Variants in CTNND2 observed in about 807,000 individuals in gnomAD.
The protein encoded by CTNND2 is catenin delta 2.
Under a neutral mutation model 144.4 loss-of-function variants are expected in CTNND2, and 22 were observed. That is an observed-to-expected ratio of 0.15 (90% CI 0.11 to 0.22). CTNND2 has a LOEUF of 0.22. Among genes scored for constraint, CTNND2 ranks in the 10% least tolerant of loss-of-function variants. The pLI, the probability that CTNND2 is intolerant of heterozygous loss-of-function variation, is 1.00. For missense variants in CTNND2, 1,353 were observed against 1,618.8 expected, an observed-to-expected ratio of 0.84 and a Z score of 2.82; for synonymous variants, 751 against 695.6, an observed-to-expected ratio of 1.08 and a Z score of -1.25.
At chr5:11,007,566 C>T (rs1172867901) in intron 18 of CTNND2, among the ~76,000 whole-genome samples, 8 of 152,248 alleles carry the variant, frequency 5.3e-5, no homozygotes. Flanking sequence ...TGCTAATGTT[C>T]TTATATTGTT....
chr5:11,687,500 G>A (rs775314282), intron 2 of CTNND2, among the ~76,000 whole-genome samples: 1 of 152,242 alleles, frequency 6.6e-6, no homozygotes, highest in Non-Finnish European at 1.5e-5. Context: ...CAAGGTGTGG[G>A]CAAGCTACTA....
At chr5:11,200,271 C>A (rs986464562) in intron 10 of CTNND2, among the ~76,000 whole-genome samples, 6 of 152,152 alleles carry the variant, frequency 3.9e-5, no homozygotes, top group Non-Finnish European at 8.8e-5. Context: ...AACAACAAAA[C>A]CACTCTACAT....
At chr5:11,172,468 C>G (rs917774165) in intron 11 of CTNND2, among the ~76,000 whole-genome samples, 8 of 152,100 alleles carry the variant, frequency 5.3e-5, no homozygotes, top group Admixed American at 1.3e-4. Flanking sequence ...TTCTTTGGGT[C>G]CAGAACTGTT....
intron 11 of CTNND2, among the ~76,000 whole-genome samples, chr5:11,170,032 C>T (rs1759744078): frequency 1.3e-5 from 2 of 152,256 alleles, no homozygotes; most frequent in East Asian, 1.9e-4. Flanking sequence ...TAATCACCTG[C>T]ATGTATTAAC....
chr5:11,504,945 A>T (rs1770878475), intron 3 of CTNND2, among the ~76,000 whole-genome samples: 1 of 151,540 alleles, frequency 6.6e-6, no homozygotes, highest in South Asian at 2.1e-4. Context: ...ATCCACAGAG[A>T]CCCCACATGG....
chr5:11,044,701 G>A (rs1363071868), intron 16 of CTNND2, among the ~76,000 whole-genome samples: 5 of 152,204 alleles, frequency 3.3e-5, no homozygotes, highest in Non-Finnish European at 7.3e-5. Flanking sequence ...AAGTTCAGGT[G>A]AGCATGTGCC....
rs183878392 is a variant in CTNND2, at chr5:11,614,910, C to T, written c.175-49854G>A. 5.3e-5 allele frequency among the ~76,000 whole-genome samples: 8 copies of T among 152,246 alleles called. No individual in the cohort carries two copies. The East Asian group carries it at 1.5e-3, about 29-fold the overall frequency. On this transcript the variant is annotated intron_variant, in intron 2 of 21. Transcript: ENST00000304623. ...GACAATAGTACCTACCTGATAAGGTCCTTGTGAGAACTAAATGAATATACA... is the reference window on the plus strand; with the variant it reads ...GACAATAGTACCTACCTGATAAGGTTCTTGTGAGAACTAAATGAATATACA...
chr5:11,237,160 C>T (rs1741741707), intron 9 of CTNND2, among the ~76,000 whole-genome samples: 1 of 151,998 alleles, frequency 6.6e-6, no homozygotes, highest in African/African-American at 2.4e-5. Context: ...GCTGGGACTA[C>T]AGGCACCCAC....
At chr5:11,760,368 C>A (rs1158215637) in intron 1 of CTNND2, among the ~76,000 whole-genome samples, 1 of 152,066 alleles carries the variant, frequency 6.6e-6, no homozygotes, top group Non-Finnish European at 1.5e-5. Context: ...GGGCCTATTA[C>A]CAGGAGCTAG....
At chr5:11,096,562 T>C (rs1411544047) in intron 15 of CTNND2, among the ~76,000 whole-genome samples, 1 of 152,174 alleles carries the variant, frequency 6.6e-6, no homozygotes, top group East Asian at 1.9e-4. Context: ...TTCTAGAAGC[T>C]TGAGTTTGTT....
chr5:11,132,449 C>T (rs948311166), intron 12 of CTNND2, among the ~76,000 whole-genome samples: 11 of 152,156 alleles, frequency 7.2e-5, no homozygotes, highest in Non-Finnish European at 1.2e-4. Flanking sequence ...TGAATGAAAT[C>T]AATGCCCTTA....
chr5:11,323,965 G>A (rs1456867221), intron 9 of CTNND2, among the ~76,000 whole-genome samples: 1 of 152,088 alleles, frequency 6.6e-6, no homozygotes, highest in East Asian at 1.9e-4. Flanking sequence ...GTGTCAGGGT[G>A]GGGCCCAGGC....
At chr5:11,641,658 A>G (rs536635708) in intron 2 of CTNND2, among the ~76,000 whole-genome samples, 197 of 142,124 alleles carry the variant, frequency 1.4e-3, no homozygotes, top group South Asian at 3.0e-3. Flanking sequence ...ATACGTGTGT[A>G]TATACATATA....
At chr5:11,178,088 T>C (rs987600744) in intron 11 of CTNND2, among the ~76,000 whole-genome samples, 2 of 152,176 alleles carry the variant, frequency 1.3e-5, no homozygotes, top group African/African-American at 2.4e-5. Context: ...TTTTATATTG[T>C]TTAGGATAGA....
intron 11 of CTNND2, among the ~76,000 whole-genome samples, chr5:11,184,481 T>G (rs1273795201): frequency 6.6e-6 from 1 of 152,194 alleles, no homozygotes. Context: ...CCAAATACTA[T>G]GTAGGGCAAG....
chr5:11,603,587 CTTA>C lies in CTNND2; in HGVS notation c.175-38534_175-38532del, dbSNP rs199696523. On this transcript the variant is annotated intron_variant, in intron 2 of 21. Transcript: ENST00000304623. ...AATTATAGAGTTTGCTACATTCAGC[CTTA>C]TTATCATATTATTTTAATGTAAAAT... Among the ~76,000 whole-genome samples, 613 of 152,160 alleles carry C rather than the reference CTTA, an allele frequency of 4.0e-3. 3 individuals carry two copies. The highest frequency in any genetic ancestry group is 0.014 in the African/African-American group (584 of 41,504).
chr5:11,294,346 A>G (rs1007138886), intron 9 of CTNND2, among the ~76,000 whole-genome samples: 6 of 152,206 alleles, frequency 3.9e-5, no homozygotes, highest in Admixed American at 1.3e-4. Context: ...TCTCTCCCAG[A>G]AAAACACTAA....
At chr5:11,830,814 T>C (rs1438371135) in intron 1 of CTNND2, among the ~76,000 whole-genome samples, 1 of 151,778 alleles carries the variant, frequency 6.6e-6, no homozygotes, top group Non-Finnish European at 1.5e-5. Context: ...AGGTAAGGAG[T>C]GAGTTAAACA....
At chr5:11,118,131 G>A (rs1401847422) in intron 12 of CTNND2, among the ~76,000 whole-genome samples, 2 of 152,216 alleles carry the variant, frequency 1.3e-5, no homozygotes, top group African/African-American at 4.8e-5. Flanking sequence ...GCTCTTTTCT[G>A]TACTAGCACA....
Sources: gnomAD v4.1 joint callset for allele counts (sites outside exome capture counted in the v4.1 genomes callset) on GRCh38, gnomAD v4.1.1 for gene constraint, MANE v1.5 for transcripts, NCBI Gene and HGNC (gene_info 2026-07-23, HGNC 2026-07-21) for gene names.